Variants in ZNF519 observed in about 807,000 individuals in gnomAD.
The protein encoded by ZNF519 is similar to Zinc finger protein 85 (Zinc finger protein HPF4) (HTF1).
ZNF519 carries 7 observed loss-of-function variants against 7.4 expected under a neutral mutation model. The observed-to-expected ratio is 0.94, with a 90% CI of 0.54 to 1.77. The LOEUF is 1.77. Among genes scored for constraint, ZNF519 ranks in the 40% most tolerant of loss-of-function variants. The pLI is 0.00. For synonymous variants in ZNF519, 179 were observed against 203.3 expected (o/e 0.88, Z 1.02); for missense variants, 586 against 623.1 (o/e 0.94, Z 0.63).
At chr18:14,087,186 A>G (rs1489246984) in intron 2 of ZNF519, among the ~76,000 whole-genome samples, 1 of 152,198 alleles carries the variant, frequency 6.6e-6, no homozygotes, top group Non-Finnish European at 1.5e-5. Flanking sequence ...TGGGTATAGA[A>G]GAAATATACC....
At chr18:14,128,690 A>ACACAC in intron 1 of ZNF519, among the ~76,000 whole-genome samples, 1 of 130,662 alleles carries the variant, frequency 7.7e-6, no homozygotes, top group African/African-American at 3.0e-5. Context: ...TTCTGAGTCA[A>ACACAC]ACACACACAC....
chr18:14,132,161 A>C, intron 1 of ZNF519, 114 bp downstream of exon 1: 1 of 1,246,608 alleles, frequency 8.0e-7, no homozygotes, highest in Non-Finnish European at 1.2e-6. Context: ...ACCGGAGGGG[A>C]CTGAGGGCTG....
chr18:14,087,524 G>A lies in ZNF519; in HGVS notation c.131-2448C>T, dbSNP rs552087871. On this transcript the variant is annotated intron_variant and NMD_transcript_variant, in intron 2 of 4. Coordinates refer to the ZNF519 transcript ENST00000587419. ...CCTGAACTGTAACCCACTGTTTATG[G>A]GACTTGGGTGACAAAATCCCAAGTC... Among the ~76,000 whole-genome samples, 65 of 152,102 alleles carry A rather than the reference G, an allele frequency of 4.3e-4. No individual in the cohort carries two copies. The South Asian group carries it at 7.3e-3, about 17-fold the overall frequency.
exon 5 of ZNF519, chr18:14,076,524 T>C (rs1047259513): frequency 2.0e-5 from 3 of 152,122 alleles, no homozygotes; most frequent in Non-Finnish European, 2.9e-5. Flanking sequence ...ACATCACCAT[T>C]AATATATGGA....
intron 3 of ZNF519, among the ~76,000 whole-genome samples, chr18:14,078,804 T>C (rs2046059151): frequency 6.6e-6 from 1 of 152,148 alleles, no homozygotes; most frequent in Non-Finnish European, 1.5e-5. Context: ...TCCTTGATTA[T>C]GAGAAACAAA....
chr18:14,084,045 A>G (rs1406161065), intron 3 of ZNF519, among the ~76,000 whole-genome samples: 2 of 152,118 alleles, frequency 1.3e-5, no homozygotes, highest in African/African-American at 4.8e-5. Context: ...ACTGGGTCAC[A>G]GTGACATGGA....
intron 2 of ZNF519, among the ~76,000 whole-genome samples, chr18:14,120,533 T>C (rs1267747587): frequency 5.3e-5 from 8 of 151,920 alleles, no homozygotes; most frequent in Admixed American, 5.2e-4. Context: ...AAAGAAAATA[T>C]AAACAAGTGG....
chr18:14,132,407 T>C lies in ZNF519; in HGVS notation c.-130A>G, dbSNP rs1316318371. On this transcript the variant is annotated 5_prime_UTR_variant, in exon 1 of 3. Coordinates refer to ENST00000590202, the MANE Select transcript of ZNF519 (RefSeq NM_145287.4). ...CAGAGGACACAAGGCAATGAAGCCC[T>C]AACCCCGCGCTCTGGCTGAAGTGAG... 7.9e-6 allele frequency: 9 copies of C among 1,141,250 alleles called. No homozygotes were observed. The highest frequency in any genetic ancestry group is 1.5e-5 in the African/African-American group (1 of 65,154). The allele number at this position is 1,141,250 out of a possible 1,614,324, so 70.7% of individuals were successfully genotyped here.
chr18:14,110,248 AG>A (rs2046213476), intron 2 of ZNF519, among the ~76,000 whole-genome samples: 1 of 152,172 alleles, frequency 6.6e-6, no homozygotes, highest in Non-Finnish European at 1.5e-5. Flanking sequence ...AAATTCTAAA[AG>A]GTAACATATA....
At chr18:14,098,317 G>A (rs113152011), downstream of ZNF519, among the ~76,000 whole-genome samples, 325 of 151,712 alleles carry the variant, frequency 2.1e-3, 5 homozygotes, top group African/African-American at 7.5e-3. Context: ...CCACCACAAC[G>A]CCTGGCAAAT....
chr18:14,111,169 T>TAAAAAAAA (rs34240654), intron 2 of ZNF519, among the ~76,000 whole-genome samples: 1 of 90,858 alleles, frequency 1.1e-5, no homozygotes, highest in Non-Finnish European at 2.2e-5. Context: ...AGTTGTTTTC[T>TAAAAAAAA]AAAAAAAAAA....
At chr18:14,118,487 A>G (rs554403051) in intron 2 of ZNF519, among the ~76,000 whole-genome samples, 71 of 152,332 alleles carry the variant, frequency 4.7e-4, no homozygotes, top group African/African-American at 1.5e-3. Context: ...CCACTTACAT[A>G]AGACATCTTA....
rs994905837 is a variant in ZNF519, at chr18:14,103,284, C to G, written c.*1633G>C. 6.6e-6 allele frequency: 1 copy of G among 152,148 alleles called. No homozygotes were observed. The highest frequency in any genetic ancestry group is 2.1e-4 in the South Asian group (1 of 4,824). 9.4% of individuals were successfully genotyped at this position (152,148 alleles called of 1,614,324 possible). A position where few individuals can be genotyped will look rare whatever the true frequency, so the allele number is the denominator to read the frequency against. The stretch of plus-strand genomic sequence containing the variant: ...ACATAAATCATTCTCCAGGATAGAC[C>G]ATATGCTAGGCCATACAGCAGGAAA... On this transcript the variant is annotated 3_prime_UTR_variant, in exon 3 of 3. Transcript: ENST00000590202.
intron 2 of ZNF519, among the ~76,000 whole-genome samples, chr18:14,123,580 G>GTGGT (rs1567955007): frequency 6.6e-6 from 1 of 152,060 alleles, no homozygotes; most frequent in African/African-American, 2.4e-5. Context: ...TTAGCCAGGC[G>GTGGT]TGGTGGTGCA....
chr18:14,124,727 C>T (rs553747247), intron 1 of ZNF519, among the ~76,000 whole-genome samples: 1 of 151,864 alleles, frequency 6.6e-6, no homozygotes, highest in Non-Finnish European at 1.5e-5. Flanking sequence ...GGCCCTGTGA[C>T]CTCCTTCTGG....
chr18:14,109,032 G>T (rs2046208537), intron 2 of ZNF519, among the ~76,000 whole-genome samples: 1 of 151,972 alleles, frequency 6.6e-6, no homozygotes, highest in Non-Finnish European at 1.5e-5. Context: ...ACTTGAACCT[G>T]GGAGGCAGAG....
At chr18:14,086,395 C>T (rs2046090668) in intron 2 of ZNF519, among the ~76,000 whole-genome samples, 1 of 152,190 alleles carries the variant, frequency 6.6e-6, no homozygotes, top group African/African-American at 2.4e-5. Context: ...TTGAGGATCC[C>T]CCTGCGCTGC....
intron 2 of ZNF519, among the ~76,000 whole-genome samples, chr18:14,088,839 T>C (rs1016731039): frequency 6.6e-6 from 1 of 152,184 alleles, no homozygotes; most frequent in Non-Finnish European, 1.5e-5. Flanking sequence ...TACTTAAGTA[T>C]TGACATCATT....
Position 14,100,191 on chromosome 18 carries a change from T to G in ZNF519, c.*4726A>C, listed in dbSNP as rs2046153681. The G allele has an allele frequency of 6.6e-6, 1 of 152,132 alleles. No homozygotes were observed. The highest frequency in any genetic ancestry group is 1.5e-5 in the Non-Finnish European group (1 of 68,026). The allele number at this position is 152,132 out of a possible 1,614,324, so 9.4% of individuals were successfully genotyped here. Reference sequence around the variant, plus strand: ...TATCAGTCAGTATGGCTAAGAGGATTTGAAAAAACAGAAATTCATTGATGA... The same window carrying G: ...TATCAGTCAGTATGGCTAAGAGGATGTGAAAAAACAGAAATTCATTGATGA... On this transcript the variant is annotated 3_prime_UTR_variant, in exon 3 of 3. Transcript: ENST00000590202.
Sources: allele counts gnomAD v4.1 joint callset (sites outside exome capture counted in the v4.1 genomes callset), GRCh38; gene constraint gnomAD v4.1.1; transcripts MANE v1.5; gene names NCBI Gene and HGNC (gene_info 2026-07-23, HGNC 2026-07-21).